The following PPFIBP1 variants were observed in gnomAD, a reference collection of about 807,000 sequenced individuals.
PPFIBP1 encodes the protein liprin-beta-1.
PPFIBP1 carries 112 observed loss-of-function variants against 137.8 expected under a neutral mutation model. The ratio of observed to expected loss-of-function variants is 0.81; its 90% CI spans 0.70 to 0.95. PPFIBP1 has a LOEUF of 0.95. Among genes scored for constraint, PPFIBP1 ranks in the 40% least tolerant of loss-of-function variants. PPFIBP1 has a pLI of 0.00. For synonymous variants in PPFIBP1, 378 were observed against 417.3 expected (o/e 0.91, Z 1.15); for missense variants, 1,083 against 1,196.6 (o/e 0.91, Z 1.40).
intron 12 of PPFIBP1, among the ~76,000 whole-genome samples, chr12:27,665,118 G>C (rs1441348766): frequency 2.0e-5 from 3 of 152,176 alleles, no homozygotes; most frequent in Admixed American, 1.3e-4. Flanking sequence ...AACCCGGGAA[G>C]CGGAGGTTGC....
intron 1 of PPFIBP1, among the ~76,000 whole-genome samples, chr12:27,541,320 G>T (rs2136009783): frequency 6.6e-6 from 1 of 152,162 alleles, no homozygotes; most frequent in East Asian, 1.9e-4. Flanking sequence ...TGGGCCGAGG[G>T]TTGTTTGTTT....
At chr12:27,586,845 T>C (rs1468784736) in intron 2 of PPFIBP1, among the ~76,000 whole-genome samples, 1 of 135,164 alleles carries the variant, frequency 7.4e-6, no homozygotes, top group Non-Finnish European at 1.6e-5. Context: ...AAAGAAAATG[T>C]CCAATTTGAA....
chr12:27,674,067 A>G (rs1018994198), intron 16 of PPFIBP1, 125 bp from the exon 17 acceptor site: 2 of 896,902 alleles, frequency 2.2e-6, no homozygotes, highest in Non-Finnish European at 3.4e-6. Context: ...AATAAACAAT[A>G]CTAAGATTTT....
At chr12:27,619,103 C>A (rs1592900990) in intron 2 of PPFIBP1, among the ~76,000 whole-genome samples, 1 of 152,188 alleles carries the variant, frequency 6.6e-6, no homozygotes, top group Middle Eastern at 3.4e-3. Flanking sequence ...TCTGCCATGA[C>A]ATTCAGTTTT....
At chr12:27,615,144 G>A (rs1379589284) in intron 2 of PPFIBP1, among the ~76,000 whole-genome samples, 2 of 152,148 alleles carry the variant, frequency 1.3e-5, no homozygotes, top group East Asian at 3.9e-4. Context: ...TTTAGACCCC[G>A]AAAGCCTCAG....
At chr12:27,596,852 A>T (rs1277515784) in intron 2 of PPFIBP1, among the ~76,000 whole-genome samples, 1 of 152,236 alleles carries the variant, frequency 6.6e-6, no homozygotes, top group African/African-American at 2.4e-5. Flanking sequence ...ACTCTCTCAC[A>T]TTCCCTGATC....
In PPFIBP1 at chr12:27,646,146, C is replaced by T; in HGVS notation, c.355C>T (p.Gln119Ter). Residue 119 changes from glutamine (Q) to a stop codon, truncating the protein, a stop_gained and splice_region_variant, in exon 5 of 30, where the codon CAG becomes TAG. Coordinates refer to ENST00000228425, the MANE Select transcript of PPFIBP1 (RefSeq NM_003622.4). LOFTEE classifies it high-confidence loss of function. ...LENDKESLVL[Q>*]VSVLTDQVEA... ...AAATGATAAAGAATCCCTCGTTCTT[C>T]AGGCAAGTGATTTTTAAATACTGTT... 1 of 1,600,466 alleles carries T rather than the reference C, an allele frequency of 6.2e-7. No individual in the cohort carries two copies.
intron 2 of PPFIBP1, among the ~76,000 whole-genome samples, chr12:27,621,695 C>A (rs554819223): frequency 6.6e-6 from 1 of 152,100 alleles, no homozygotes. Context: ...TAGAAACCAA[C>A]AGAAATTACC....
chr12:27,561,414 G>A (rs1045119022), intron 1 of PPFIBP1, among the ~76,000 whole-genome samples: 19 of 152,056 alleles, frequency 1.2e-4, no homozygotes, highest in African/African-American at 4.6e-4. Flanking sequence ...TTTTTGTGTC[G>A]GTTGAATCTC....
chr12:27,584,817 G>T (rs574479182), intron 2 of PPFIBP1, among the ~76,000 whole-genome samples: 1 of 152,276 alleles, frequency 6.6e-6, no homozygotes, highest in East Asian at 1.9e-4. Context: ...ACAACATCAC[G>T]TATCCCCATG....
At chr12:27,633,107 G>C (rs531976512) in intron 2 of PPFIBP1, among the ~76,000 whole-genome samples, 10 of 152,142 alleles carry the variant, frequency 6.6e-5, no homozygotes, top group Non-Finnish European at 1.3e-4. Flanking sequence ...GAGTTCTAGA[G>C]AACAGCATGG....
intron 13 of PPFIBP1, 108 bp from the exon 14 acceptor site, chr12:27,671,323 A>T: frequency 1.6e-6 from 1 of 610,168 alleles, no homozygotes; most frequent in Non-Finnish European, 2.9e-6. Flanking sequence ...AACACTGATT[A>T]TGAGATTTTG....
intron 7 of PPFIBP1, among the ~76,000 whole-genome samples, chr12:27,654,118 T>A (rs1319639464): frequency 6.6e-6 from 1 of 152,252 alleles, no homozygotes; most frequent in African/African-American, 2.4e-5. Flanking sequence ...ACTATTCTCA[T>A]GTTCCTGTTA....
At position 27,576,253 on chromosome 12, in the gene PPFIBP1, CCTTT is replaced by C. The variant is rs2050551340; in HGVS notation, c.-123-1895_-123-1892del. Among the ~76,000 whole-genome samples, 3 of 151,970 alleles carry C rather than the reference CCTTT, an allele frequency of 2.0e-5. No homozygotes were observed. The South Asian group carries it at 6.2e-4, about 32-fold the overall frequency. ...TTTTAAACTATTCTACTAATTTTCTCCTTTCTTATTCCTAGCCAAGAGCCCTGAT... is the reference window on the plus strand; with the variant it reads ...TTTTAAACTATTCTACTAATTTTCTCCTTATTCCTAGCCAAGAGCCCTGAT... On this transcript the variant is annotated intron_variant, in intron 1 of 29. Transcript: ENST00000228425.
intron 1 of PPFIBP1, among the ~76,000 whole-genome samples, chr12:27,541,805 C>A (rs1241692807): frequency 6.6e-6 from 1 of 152,156 alleles, no homozygotes; most frequent in African/African-American, 2.4e-5. Flanking sequence ...AGGAAACCAC[C>A]ACTCAATAGA....
intron 23 of PPFIBP1, 29 bp from the exon 24 acceptor site, chr12:27,682,586 T>C: frequency 1.9e-6 from 3 of 1,612,640 alleles, no homozygotes; most frequent in South Asian, 1.1e-5. Context: ...TTTTGTGGCA[T>C]GGTAGCAACA....
At chr12:27,651,105 A>G (rs746184694) in intron 7 of PPFIBP1, among the ~76,000 whole-genome samples, 3 of 152,192 alleles carry the variant, frequency 2.0e-5, no homozygotes, top group Non-Finnish European at 4.4e-5. Context: ...CATTACATAC[A>G]TTATCCACCA....
intron 2 of PPFIBP1, among the ~76,000 whole-genome samples, chr12:27,614,339 G>T (rs2055507877): frequency 6.6e-6 from 1 of 151,712 alleles, no homozygotes; most frequent in Non-Finnish European, 1.5e-5. Flanking sequence ...TGCGTGATTG[G>T]GCCACCGCAC....
intron 5 of PPFIBP1, chr12:27,646,352 A>T: frequency 1.7e-6 from 1 of 592,684 alleles, no homozygotes; most frequent in African/African-American, 1.8e-5. Context: ...ACCATTAATC[A>T]TCCTCAGCTC....
Sources: allele counts gnomAD v4.1 joint callset (sites outside exome capture counted in the v4.1 genomes callset), GRCh38; gene constraint gnomAD v4.1.1; transcripts MANE v1.5; gene names NCBI Gene and HGNC (gene_info 2026-07-23, HGNC 2026-07-21).